TIAM1: variants seen among roughly 807,000 people sequenced by gnomAD.
TIAM1 encodes rho guanine nucleotide exchange factor TIAM1.
A neutral mutation model predicts 163.5 loss-of-function variants in TIAM1; 65 were observed. That is an observed-to-expected ratio of 0.40 (90% CI 0.33 to 0.49). The LOEUF (loss-of-function observed/expected upper bound fraction) is 0.49. Ranked by LOEUF, TIAM1 falls within the 20% of genes least tolerant of loss-of-function variation. The probability of loss-of-function intolerance (pLI) is 0.77; values close to 1 mark genes in which losing one functional copy is unlikely to be tolerated. For synonymous variants in TIAM1, 833 were observed against 810.1 expected (o/e 1.03, Z -0.48); for missense variants, 1,789 against 2,044.7 (o/e 0.87, Z 2.41).
rs117084438 is a variant in TIAM1 at position 31,510,330 on chromosome 21, A to G, written c.-421-46295T>C. 6.3e-3 allele frequency among the ~76,000 whole-genome samples: 961 copies of G among 152,264 alleles called. 6 individuals are homozygous for G. Among genetic ancestry groups the G allele is most frequent in the Non-Finnish European group, 0.011 (772 of 68,018 alleles). On this transcript the variant is annotated intron_variant, in intron 1 of 28. Coordinates refer to the TIAM1 transcript ENST00000286827. ...GCACATCCCTGGTGCCTCTATGACCAAATTTCCTCTACTCATAAGGACAAC... is the reference window on the plus strand; with the variant it reads ...GCACATCCCTGGTGCCTCTATGACCGAATTTCCTCTACTCATAAGGACAAC...
chr21:31,144,422 G>A (rs773129724), intron 20 of TIAM1, among the ~76,000 whole-genome samples: 15 of 152,242 alleles, frequency 9.9e-5, no homozygotes, highest in Non-Finnish European at 1.6e-4. Flanking sequence ...AGCGCTTGGC[G>A]CAGTCCAGGA....
intron 1 of TIAM1, among the ~76,000 whole-genome samples, chr21:31,473,851 A>G (rs889901769): frequency 5.9e-5 from 9 of 152,108 alleles, no homozygotes; most frequent in African/African-American, 2.2e-4. Flanking sequence ...TGCACTGGAG[A>G]CTTGCAGAAT....
intron 1 of TIAM1, among the ~76,000 whole-genome samples, chr21:31,343,416 A>C (rs1039746283): frequency 6.6e-6 from 1 of 152,172 alleles, no homozygotes; most frequent in Non-Finnish European, 1.5e-5. Context: ...CCTTCCACCC[A>C]AACTTCCTCT....
intron 2 of TIAM1, among the ~76,000 whole-genome samples, chr21:31,322,301 C>A (rs1004858705): frequency 3.3e-5 from 5 of 152,226 alleles, no homozygotes; most frequent in African/African-American, 1.2e-4. Flanking sequence ...GGACCACAGT[C>A]TTCCCTCTCA....
At chr21:31,258,461 T>C (rs2072249795) in intron 4 of TIAM1, among the ~76,000 whole-genome samples, 1 of 152,182 alleles carries the variant, frequency 6.6e-6, no homozygotes, top group Non-Finnish European at 1.5e-5. Context: ...CCTAGTTGGA[T>C]TATGTCTTGT....
At chr21:31,283,688 G>A (rs2073671916) in intron 2 of TIAM1, among the ~76,000 whole-genome samples, 1 of 152,070 alleles carries the variant, frequency 6.6e-6, no homozygotes, top group Non-Finnish European at 1.5e-5. Context: ...GGGACTACAA[G>A]CGCACATCAT....
intron 1 of TIAM1, among the ~76,000 whole-genome samples, chr21:31,548,231 C>A (rs2048563808): frequency 7.0e-6 from 1 of 143,744 alleles, no homozygotes. Context: ...CCTCCGCCTC[C>A]TGGGTTCAAG....
At chr21:31,477,877 C>T (rs1166650820) in intron 1 of TIAM1, among the ~76,000 whole-genome samples, 2 of 152,178 alleles carry the variant, frequency 1.3e-5, no homozygotes, top group African/African-American at 2.4e-5. Flanking sequence ...AATGACTCTC[C>T]GTGTCCCAGG....
chr21:31,470,712 A>G (rs1211323441), intron 1 of TIAM1, among the ~76,000 whole-genome samples: 1 of 152,250 alleles, frequency 6.6e-6, no homozygotes, highest in Admixed American at 6.5e-5. Context: ...GAAAAGGTCA[A>G]AATGTTTCTA....
intron 2 of TIAM1, among the ~76,000 whole-genome samples, chr21:31,327,557 T>C (rs545249367): frequency 6.8e-6 from 1 of 147,018 alleles, no homozygotes; most frequent in East Asian, 2.0e-4. Context: ...TGAGAATCGC[T>C]TGAACCCAGG....
chr21:31,394,708 G>GCTCTCTCTCTCTCTCTCT (rs954246497), intron 2 of TIAM1, among the ~76,000 whole-genome samples: 38 of 105,294 alleles, frequency 3.6e-4, no homozygotes, highest in Admixed American at 9.9e-4. Context: ...TCTCTCTCTC[G>GCTCTCTCTCTCTCTCTCT]CTCTCTCTCT....
chr21:31,154,328 C>T lies in TIAM1; in HGVS notation c.3090G>A (p.Ala1030=), dbSNP rs1323456942. The change falls in exon 17 of 28, where the codon GCG becomes GCA. Residue 1030 remains alanine, a synonymous_variant. Transcript: ENST00000541036. The part of the protein sequence containing the change: ...SPQDSTGPQL[A]TMRQLSDADK... The stretch of plus-strand genomic sequence containing the variant: ...CTGCATCCGAGAGTTGTCTCATGGT[C>T]GCCAGCTGAGGCCCCGTGGAGTCCT... The T allele has an allele frequency of 1.4e-5, 23 of 1,613,990 alleles. No homozygotes were observed. Among genetic ancestry groups the T allele is most frequent in the Non-Finnish European group, 1.8e-5 (21 of 1,180,036 alleles).
chr21:31,188,921 A>C (rs571706527), intron 13 of TIAM1, among the ~76,000 whole-genome samples: 5 of 151,966 alleles, frequency 3.3e-5, no homozygotes, highest in African/African-American at 1.2e-4. Context: ...GGGTACCAGG[A>C]AACACCTTTG....
At chr21:31,298,598 A>G (rs1403366273) in intron 2 of TIAM1, among the ~76,000 whole-genome samples, 1 of 152,038 alleles carries the variant, frequency 6.6e-6, no homozygotes, top group Non-Finnish European at 1.5e-5. Context: ...GTCTTCCCTC[A>G]TCTAAAACTT....
At chr21:31,291,650 G>A (rs1448286393) in intron 2 of TIAM1, among the ~76,000 whole-genome samples, 1 of 152,242 alleles carries the variant, frequency 6.6e-6, no homozygotes, top group Non-Finnish European at 1.5e-5. Context: ...AGCCTCCTGA[G>A]TAGCTGGGAC....
In TIAM1 at chr21:31,285,304, G is replaced by T. The variant is rs900157704; in HGVS notation, c.-188-8396C>A. On this transcript the variant is annotated intron_variant, in intron 2 of 27. Transcript: ENST00000541036. ...TGAGGCCATGAACTCAAGAGGCCAG[G>T]GTGGCAACTAAGCCTGTTGGCAACA... Among the ~76,000 whole-genome samples the T allele has an allele frequency of 1.1e-4, 16 of 152,310 alleles. No homozygotes were observed. In the South Asian group the frequency reaches 3.3e-3, roughly 32 times the overall value.
At chr21:31,364,823 C>T (rs1025931220) in intron 2 of TIAM1, among the ~76,000 whole-genome samples, 4 of 152,040 alleles carry the variant, frequency 2.6e-5, no homozygotes, top group African/African-American at 9.7e-5. Flanking sequence ...CCAACCACAC[C>T]ATAATTGTTG....
chr21:31,495,395 G>A (rs767041898), intron 1 of TIAM1, among the ~76,000 whole-genome samples: 5 of 152,144 alleles, frequency 3.3e-5, no homozygotes, highest in Admixed American at 6.5e-5. Context: ...GAGGAGCAGC[G>A]CTGTGTTCTC....
At chr21:31,381,529 A>C (rs897671003) in intron 2 of TIAM1, among the ~76,000 whole-genome samples, 1 of 152,138 alleles carries the variant, frequency 6.6e-6, no homozygotes, top group Non-Finnish European at 1.5e-5. Context: ...TTAGCTGGGC[A>C]TGATGGTACA....
Sources: allele counts gnomAD v4.1 joint callset (sites outside exome capture counted in the v4.1 genomes callset), GRCh38; gene constraint gnomAD v4.1.1; transcripts MANE v1.5; gene names NCBI Gene and HGNC (gene_info 2026-07-23, HGNC 2026-07-21).